RFFL: variants seen among roughly 807,000 people sequenced by gnomAD.
RFFL encodes the protein E3 ubiquitin-protein ligase rififylin.
RFFL carries 16 observed loss-of-function variants against 40.4 expected under a neutral mutation model. The observed-to-expected ratio is 0.40, with a 90% CI of 0.27 to 0.60. RFFL has a LOEUF of 0.60. Among genes scored for constraint, RFFL ranks in the 20% least tolerant of loss-of-function variants. The pLI, the probability that RFFL is intolerant of heterozygous loss-of-function variation, is 0.47. For synonymous variants in RFFL, 154 were observed against 167.9 expected (o/e 0.92, Z 0.64); for missense variants, 367 against 451.7 (o/e 0.81, Z 1.70).
rs1233312173 is a variant in RFFL at position 35,069,447 on chromosome 17, A to G, written c.-9+19658T>C. ...TATAGAAATAAAAGGATACGACTGC[A>G]CAGCTTGAATGTCCCATCAAGGTAA... On this transcript the variant is annotated intron_variant, in intron 1 of 6. Transcript: ENST00000315249. 9.9e-6 allele frequency: 4 copies of G among 403,460 alleles called. No homozygotes were observed. In the Admixed American group the frequency reaches 1.2e-4, roughly 12 times the overall value. 25.0% of individuals were successfully genotyped at this position (403,460 alleles called of 1,614,324 possible).
intron 1 of RFFL, chr17:35,074,275 T>C (rs1010721674): frequency 2.6e-5 from 4 of 152,218 alleles, no homozygotes; most frequent in Admixed American, 6.5e-5. Flanking sequence ...TTTCTCCTTT[T>C]GTAAGAAAAA....
intron 1 of RFFL, among the ~76,000 whole-genome samples, chr17:35,029,502 C>T (rs976899932): frequency 6.7e-6 from 1 of 148,732 alleles, no homozygotes; most frequent in African/African-American, 2.5e-5. Flanking sequence ...TGTCATCATG[C>T]CCAGCTAATT....
At position 35,014,729 on chromosome 17, in the gene RFFL, C is replaced by T. The variant is rs750493763; in HGVS notation, c.910+11G>A. 1 of 1,612,918 alleles carries T rather than the reference C, an allele frequency of 6.2e-7. No homozygotes were observed. Among genetic ancestry groups the T allele is most frequent in the Admixed American group, 1.7e-5 (1 of 59,990 alleles). Reference sequence around the variant, plus strand: ...GCCTAAGCCCATTCCCAAACAGAAACAACTACATACCGTTTTGGTCTTCGG... The same window carrying T: ...GCCTAAGCCCATTCCCAAACAGAAATAACTACATACCGTTTTGGTCTTCGG... On this transcript the variant is annotated intron_variant, in intron 6 of 6. Coordinates refer to ENST00000394597, the MANE Select transcript of RFFL (RefSeq NM_001017368.2).
At chr17:35,060,993 G>GA (rs1454922055) in intron 1 of RFFL, among the ~76,000 whole-genome samples, 1 of 152,176 alleles carries the variant, frequency 6.6e-6, no homozygotes, top group African/African-American at 2.4e-5. Context: ...AGTCCATTGG[G>GA]AAAAGGCAGA....
At chr17:35,055,527 C>T (rs1270063271) in intron 1 of RFFL, among the ~76,000 whole-genome samples, 4 of 151,796 alleles carry the variant, frequency 2.6e-5, no homozygotes, top group African/African-American at 9.7e-5. Flanking sequence ...ACAAAATTAG[C>T]CAGGTGTGGT....
chr17:35,062,769 C>T (rs1336339934), intron 1 of RFFL, among the ~76,000 whole-genome samples: 1 of 152,084 alleles, frequency 6.6e-6, no homozygotes, highest in Non-Finnish European at 1.5e-5. Flanking sequence ...TGGAGGGTGA[C>T]GACTACCTAG....
Position 35,009,600 on chromosome 17 carries a change from A to C in RFFL, c.*2368T>G, listed in dbSNP as rs2090922672. On this transcript the variant is annotated 3_prime_UTR_variant, in exon 7 of 7. Coordinates refer to ENST00000394597, the MANE Select transcript of RFFL (RefSeq NM_001017368.2). Reference sequence around the variant, plus strand: ...TAAAAATGATGCAAAAAAAAAAAAAATCAGGGTTGTTTGACACCTTTTTTC... The same window carrying C: ...TAAAAATGATGCAAAAAAAAAAAAACTCAGGGTTGTTTGACACCTTTTTTC... 6.6e-6 allele frequency: 1 copy of C among 152,022 alleles called. No homozygotes were observed. Among genetic ancestry groups the C allele is most frequent in the Non-Finnish European group, 1.5e-5 (1 of 68,028 alleles). The allele number at this position is 152,022 out of a possible 1,614,324, so 9.4% of individuals were successfully genotyped here. A position where few individuals can be genotyped will look rare whatever the true frequency, so the allele number is the denominator to read the frequency against.
At chr17:35,055,359 C>T (rs1281382089) in intron 1 of RFFL, among the ~76,000 whole-genome samples, 1 of 152,052 alleles carries the variant, frequency 6.6e-6, no homozygotes, top group Non-Finnish European at 1.5e-5. Context: ...TTACCAAGAA[C>T]TATGGACAGA....
rs145019157 is a variant in RFFL, at chr17:35,024,812, T to C, written c.180+1562A>G. On this transcript the variant is annotated intron_variant, in intron 2 of 6. Transcript: ENST00000394597. ...CTTAAGATAAGAATGCTGATCCACT[T>C]AAGCATGAAATTACAAATGAAAAAT... Among the ~76,000 whole-genome samples, 7 of 152,348 alleles carry C rather than the reference T, an allele frequency of 4.6e-5. No individual in the cohort carries two copies. The East Asian group carries it at 1.3e-3, about 29-fold the overall frequency.
At chr17:35,070,636 T>A (rs2091343651) in intron 1 of RFFL, among the ~76,000 whole-genome samples, 1 of 152,160 alleles carries the variant, frequency 6.6e-6, no homozygotes, top group Non-Finnish European at 1.5e-5. Context: ...AATTGTATTA[T>A]TTGTCTATGG....
intron 1 of RFFL, among the ~76,000 whole-genome samples, chr17:35,052,459 G>A (rs924814453): frequency 1.3e-4 from 20 of 152,196 alleles, no homozygotes; most frequent in African/African-American, 4.8e-4. Context: ...CACCCACATA[G>A]TGACTGCTAA....
At position 35,013,923 on chromosome 17, in the gene RFFL, T is replaced by C. The variant is rs148929570; in HGVS notation, c.910+817A>G. Among the ~76,000 whole-genome samples, 668 of 152,234 alleles carry C rather than the reference T, an allele frequency of 4.4e-3. 4 individuals carry two copies. Among genetic ancestry groups the C allele is most frequent in the African/African-American group, 0.014 (580 of 41,540 alleles). On this transcript the variant is annotated intron_variant, in intron 6 of 6. Coordinates refer to ENST00000394597, the MANE Select transcript of RFFL (RefSeq NM_001017368.2). The stretch of plus-strand genomic sequence containing the variant: ...GAGAAAAGCTCAACTGTTTTTTATG[T>C]CTGATTAGAAGTAATCAGACATAAA...
chr17:35,082,021 T>C (rs2091405120), intron 1 of RFFL, among the ~76,000 whole-genome samples: 1 of 152,138 alleles, frequency 6.6e-6, no homozygotes, highest in African/African-American at 2.4e-5. Flanking sequence ...AGAAAATAAA[T>C]ATATAAGAAA....
At chr17:35,040,670 C>T (rs1458911501) in intron 1 of RFFL, among the ~76,000 whole-genome samples, 1 of 148,870 alleles carries the variant, frequency 6.7e-6, no homozygotes, top group Non-Finnish European at 1.5e-5. Flanking sequence ...AAATTCCTAC[C>T]TTCATCTCCC....
chr17:35,069,845 C>CT (rs1304227318), intron 1 of RFFL, among the ~76,000 whole-genome samples: 15 of 151,988 alleles, frequency 9.9e-5, no homozygotes, highest in Admixed American at 6.6e-4. Context: ...TCTCTCATCC[C>CT]TTTTATAACA....
chr17:35,048,280 T>C (rs926604224), intron 1 of RFFL, among the ~76,000 whole-genome samples: 2 of 151,736 alleles, frequency 1.3e-5, no homozygotes, highest in African/African-American at 2.4e-5. Flanking sequence ...TGTGCACCTG[T>C]AGTCCCAGCT....
intron 1 of RFFL, among the ~76,000 whole-genome samples, chr17:35,040,341 C>T (rs1255191062): frequency 6.6e-6 from 1 of 151,002 alleles, no homozygotes; most frequent in East Asian, 1.9e-4. Flanking sequence ...GTGGCTCACA[C>T]CTGTAATCCC....
Position 35,011,832 on chromosome 17 carries a change from A to G in RFFL, c.*136T>C, listed in dbSNP as rs1213280198. 6.2e-6 allele frequency: 5 copies of G among 801,434 alleles called. No individual in the cohort carries two copies. The highest frequency in any genetic ancestry group is 1.0e-5 in the Non-Finnish European group (5 of 494,432). 49.6% of individuals were successfully genotyped at this position (801,434 alleles called of 1,614,324 possible). On this transcript the variant is annotated 3_prime_UTR_variant, in exon 7 of 7. Transcript: ENST00000394597. ...GAAGACAGGCATGCTCAGGGGTGAC[A>G]TGGCATCTTGCTTGACCTGGTTTTG...
chr17:35,054,506 T>C (rs2091248761), intron 1 of RFFL, among the ~76,000 whole-genome samples: 1 of 152,162 alleles, frequency 6.6e-6, no homozygotes, highest in South Asian at 2.1e-4. Flanking sequence ...CCCTTTCTAA[T>C]TTACTGAACT....
Sources: gnomAD v4.1 joint callset for allele counts (sites outside exome capture counted in the v4.1 genomes callset) on GRCh38, gnomAD v4.1.1 for gene constraint, MANE v1.5 for transcripts, NCBI Gene and HGNC (gene_info 2026-07-23, HGNC 2026-07-21) for gene names.